The following MEGF6 variants were observed in gnomAD, a reference collection of about 807,000 sequenced individuals.
The protein encoded by MEGF6 is multiple EGF like domains 6, also known as multiple epidermal growth factor-like domains protein 6.
A neutral mutation model predicts 207.1 loss-of-function variants in MEGF6; 184 were observed. The observed-to-expected ratio is 0.89, with a 90% CI of 0.79 to 1.00. MEGF6 has a LOEUF of 1.00. MEGF6 is among the 50% of genes least tolerant of loss of function. The pLI, the probability that MEGF6 is intolerant of heterozygous loss-of-function variation, is 0.00. For synonymous variants in MEGF6, 1,038 were observed against 910.0 expected (o/e 1.14, Z -2.53); for missense variants, 2,282 against 2,202.9 (o/e 1.04, Z -0.72).
chr1:3,491,441 G>A (rs896982993), intron 35 of MEGF6, among the ~76,000 whole-genome samples: 11 of 152,152 alleles, frequency 7.2e-5, no homozygotes, highest in Non-Finnish European at 1.3e-4. Context: ...CCAGCGCACA[G>A]GCTGCTGCCC....
chr1:3,530,521 AGT>A (rs1209286611), intron 4 of MEGF6, among the ~76,000 whole-genome samples: 1 of 152,194 alleles, frequency 6.6e-6, no homozygotes, highest in Admixed American at 6.5e-5. Context: ...AGGCGGGCCT[AGT>A]GCAGGCGCCA....
intron 4 of MEGF6, among the ~76,000 whole-genome samples, chr1:3,544,994 T>A (rs1398905439): frequency 6.6e-6 from 1 of 152,066 alleles, no homozygotes; most frequent in African/African-American, 2.4e-5. Flanking sequence ...CACCCCCACT[T>A]TAAAGGGGGG....
intron 3 of MEGF6, among the ~76,000 whole-genome samples, chr1:3,585,050 G>C (rs1174569411): frequency 6.6e-6 from 1 of 151,832 alleles, no homozygotes; most frequent in East Asian, 1.9e-4. Flanking sequence ...CTGTGTGTGG[G>C]AGTGAGTGAC....
intron 3 of MEGF6, among the ~76,000 whole-genome samples, chr1:3,582,135 C>A (rs937792895): frequency 4.6e-5 from 7 of 152,200 alleles, no homozygotes; most frequent in Non-Finnish European, 8.8e-5. Context: ...AGGCCCGGGG[C>A]AGCCACTGCC....
intron 5 of MEGF6, among the ~76,000 whole-genome samples, chr1:3,522,277 A>G (rs989324874): frequency 4.6e-5 from 7 of 152,058 alleles, no homozygotes; most frequent in Non-Finnish European, 2.9e-5. Context: ...TGGGCCCTCC[A>G]TGGGGTGAGG....
chr1:3,501,100 G>A lies in MEGF6; in HGVS notation c.2447-6C>T, dbSNP rs759312296. 6.2e-6 allele frequency: 10 copies of A among 1,612,602 alleles called. No individual in the cohort carries two copies. The South Asian group carries it at 7.7e-5, about 12-fold the overall frequency. ...ATACCAGCCTGCTGGGCACACTACA[G>A]GCAGGCGAGAGAGGGTGAGTGGGGC... On this transcript the variant is annotated splice_polypyrimidine_tract_variant and splice_region_variant and intron_variant, in intron 19 of 36. Transcript: ENST00000356575.
At position 3,508,640 on chromosome 1, in the gene MEGF6, G is replaced by C. The variant is rs766741407; in HGVS notation, c.1578C>G (p.Asp526Glu). 1 of 1,613,558 alleles carries C rather than the reference G, an allele frequency of 6.2e-7. No homozygotes were observed. Among genetic ancestry groups the C allele is most frequent in the Non-Finnish European group, 8.5e-7 (1 of 1,179,980 alleles). The part of the protein sequence containing the change: ...FGHDCSLTCD[D>E]CRNGGTCLLG... Reference sequence around the variant, plus strand: ...GGAGGCAGGTCCCTCCGTTCCTGCAGTCATCACAGGTCAAGCTGCAGTCAT... The same window carrying C: ...GGAGGCAGGTCCCTCCGTTCCTGCACTCATCACAGGTCAAGCTGCAGTCAT... Residue 526 changes from aspartate to glutamate, a missense_variant, in exon 13 of 37, where the codon GAC (aspartate) becomes GAG (glutamate). Coordinates refer to ENST00000356575, the MANE Select transcript of MEGF6 (RefSeq NM_001409.4).
At chr1:3,561,224 G>A (rs1405400770) in intron 4 of MEGF6, among the ~76,000 whole-genome samples, 3 of 152,190 alleles carry the variant, frequency 2.0e-5, no homozygotes, top group Non-Finnish European at 2.9e-5. Flanking sequence ...GGCAAGGGAG[G>A]GCCCCTCCAC....
At chr1:3,545,038 C>T (rs376720500) in intron 4 of MEGF6, among the ~76,000 whole-genome samples, 22 of 152,284 alleles carry the variant, frequency 1.4e-4, no homozygotes, top group African/African-American at 4.8e-4. Context: ...AAGGAAGCTG[C>T]CTGTGTCCCA....
chr1:3,501,434 C>A lies in MEGF6; in HGVS notation c.2315-126G>T, dbSNP rs147592725. ...GAACCACTGTTACCATCTCAGCCTG[C>A]CCCGGGGAGGGGAGAGGACCCGGGC... On this transcript the variant is annotated intron_variant, in intron 18 of 36. Transcript: ENST00000356575. The A allele has an allele frequency of 9.2e-3, 12,680 of 1,381,438 alleles. 76 individuals carry two copies. The highest frequency in any genetic ancestry group is 0.012 in the South Asian group (868 of 70,224). 85.6% of individuals were successfully genotyped at this position (1,381,438 alleles called of 1,614,324 possible).
At position 3,511,998 on chromosome 1, in the gene MEGF6, C is replaced by T. The variant is rs1329364416; in HGVS notation, c.976+8G>A. The stretch of plus-strand genomic sequence containing the variant: ...GCACCTTCAGCCTGTTGCCGGCTGC[C>T]CACTCACGGTAGCACTGCCGGCCAT... On this transcript the variant is annotated splice_region_variant and intron_variant, in intron 8 of 36. Transcript: ENST00000356575. The T allele has an allele frequency of 6.2e-7, 1 of 1,611,972 alleles. No individual in the cohort carries two copies. The highest frequency in any genetic ancestry group is 1.7e-5 in the Admixed American group (1 of 60,004).
At position 3,508,571 on chromosome 1, in the gene MEGF6, G is replaced by T. The variant is rs973252966; in HGVS notation, c.1647C>A (p.Leu549=). The change falls in exon 13 of 37, where the codon CTC becomes CTA. Residue 549 remains leucine (L), a synonymous_variant. Coordinates refer to ENST00000356575, the MANE Select transcript of MEGF6 (RefSeq NM_001409.4). The part of the protein sequence containing the change: ...GCDCPEGWTG[L]ICNETCPPDT... Reference sequence around the variant, plus strand: ...CAGCTGCCTCACTCTCATTGCAGATGAGCCCAGTCCAGCCCTCGGGGCAAT... The same window carrying T: ...CAGCTGCCTCACTCTCATTGCAGATTAGCCCAGTCCAGCCCTCGGGGCAAT... 4.3e-6 allele frequency: 7 copies of T among 1,613,158 alleles called. No individual in the cohort carries two copies. Among genetic ancestry groups the T allele is most frequent in the Non-Finnish European group, 5.9e-6 (7 of 1,179,810 alleles).
At chr1:3,564,786 G>T (rs1643300293) in intron 4 of MEGF6, among the ~76,000 whole-genome samples, 1 of 152,022 alleles carries the variant, frequency 6.6e-6, no homozygotes, top group Non-Finnish European at 1.5e-5. Flanking sequence ...CCCCAAAGCT[G>T]GGGACGGGCC....
chr1:3,510,723 T>G, intron 10 of MEGF6, 60 bp downstream of exon 10: 6 of 1,546,718 alleles, frequency 3.9e-6, no homozygotes, highest in Non-Finnish European at 5.3e-6. Context: ...CCCGTGTCCT[T>G]CCTTAGGGCA....
Position 3,512,119 on chromosome 1 carries a change from T to C in MEGF6, c.863A>G (p.Glu288Gly). The C allele has an allele frequency of 6.2e-7, 1 of 1,606,920 alleles. No individual in the cohort carries two copies. The highest frequency in any genetic ancestry group is 8.5e-7 in the Non-Finnish European group (1 of 1,175,656). ...ADGKACEDVDECAAGLAQCAH... is the reference protein window; with the variant it reads ...ADGKACEDVDGCAAGLAQCAH... Reference sequence around the variant, plus strand: ...ACACTGGGCCAGCCCTGCGGCACATTCGTCCACATCTGGAGGGGAGAGACC... The same window carrying C: ...ACACTGGGCCAGCCCTGCGGCACATCCGTCCACATCTGGAGGGGAGAGACC... Residue 288 changes from glutamate (E) to glycine (G), a missense_variant, in exon 8 of 37, where the codon GAA becomes GGA. Transcript: ENST00000356575.
intron 5 of MEGF6, among the ~76,000 whole-genome samples, chr1:3,523,777 C>T (rs796187221): frequency 6.6e-6 from 1 of 152,360 alleles, no homozygotes; most frequent in African/African-American, 2.4e-5. Flanking sequence ...ACCACGGCAG[C>T]TTCTGTTGTA....
chr1:3,550,867 C>T (rs960257168), intron 4 of MEGF6, among the ~76,000 whole-genome samples: 3 of 152,254 alleles, frequency 2.0e-5, no homozygotes, highest in African/African-American at 4.8e-5. Flanking sequence ...CAGTGTCCCC[C>T]GTGTGCTAGT....
chr1:3,602,301 T>C (rs543136624), intron 2 of MEGF6, among the ~76,000 whole-genome samples, 165 bp downstream of exon 2: 57 of 152,258 alleles, frequency 3.7e-4, no homozygotes, highest in African/African-American at 1.3e-3. Flanking sequence ...AGACCCACCC[T>C]GAGGGTGGGA....
At position 3,492,650 on chromosome 1, in the gene MEGF6, G is replaced by T. The variant is rs539910727; in HGVS notation, c.4505C>A (p.Thr1502Lys). ...CHCVDGYMGP[T>K]CREGGPLRLP... ...GAAGCCCAGCTCACCTTCCCGGCAC[G>T]TGGGCCCCATGTAGCCATCCACACA... Residue 1502 changes from threonine to lysine, a missense_variant, in exon 35 of 37, where the codon ACG becomes AAG. Coordinates refer to ENST00000356575, the MANE Select transcript of MEGF6 (RefSeq NM_001409.4). The T allele has an allele frequency of 2.5e-6, 4 of 1,610,682 alleles. No individual in the cohort carries two copies. Among genetic ancestry groups the T allele is most frequent in the South Asian group, 2.2e-5 (2 of 91,046 alleles).
Sources: gnomAD v4.1 joint callset for allele counts (sites outside exome capture counted in the v4.1 genomes callset) on GRCh38, gnomAD v4.1.1 for gene constraint, MANE v1.5 for transcripts, NCBI Gene and HGNC (gene_info 2026-07-23, HGNC 2026-07-21) for gene names.